The following TMED4 variants were observed in gnomAD, a reference collection of about 807,000 sequenced individuals.
TMED4 encodes transmembrane emp24 domain-containing protein 4.
A neutral mutation model predicts 26.5 loss-of-function variants in TMED4; 19 were observed. The ratio of observed to expected loss-of-function variants is 0.72; its 90% CI spans 0.50 to 1.05. The LOEUF is 1.05. Among genes scored for constraint, TMED4 ranks in the 50% least tolerant of loss-of-function variants. The pLI is 0.00. For synonymous variants in TMED4, 121 were observed against 119.8 expected (o/e 1.01, Z -0.07); for missense variants, 303 against 302.5 (o/e 1.00, Z -0.01).
chr7:44,581,263 G>A, intron 3 of TMED4, 24 bp from the exon 4 acceptor site: 2 of 1,613,130 alleles, frequency 1.2e-6, no homozygotes, highest in Non-Finnish European at 1.7e-6. Flanking sequence ...TGGAATGTAT[G>A]AGTGGTGGGG....
chr7:44,582,154 A>T lies in TMED4; in HGVS notation c.53T>A (p.Leu18Gln), dbSNP rs1227727883. The change falls in exon 1 of 5, where the codon CTG (leucine) becomes CAG (glutamine). Residue 18 changes from leucine to glutamine, a missense_variant. By Grantham distance (113) the Leu-to-Gln change is moderately radical (BLOSUM62 -2). Transcript: ENST00000457408. The part of the protein sequence containing the change: ...PLRAMGRQAL[L>Q]LLALCATGAQ... ...GCCTGTGGCGCACAGCGCGAGAAGC[A>T]GCAGGGCCTGCCGCCCCATCGCCCG... 6.5e-7 allele frequency: 1 copy of T among 1,549,794 alleles called. No homozygotes were observed. Among genetic ancestry groups the T allele is most frequent in the Non-Finnish European group, 8.7e-7 (1 of 1,146,642 alleles).
In TMED4 at chr7:44,581,360, T is replaced by A; in HGVS notation, c.387+89A>T. 2.5e-6 allele frequency: 4 copies of A among 1,605,944 alleles called. No homozygotes were observed. The South Asian group carries it at 4.4e-5, about 18-fold the overall frequency. ...CAACATCTGTCTCCCCAATTCTGAC[T>A]GTGCTACAAAGTTTCACAATCTTGA... On this transcript the variant is annotated intron_variant, in intron 3 of 4. Transcript: ENST00000457408.
intron 4 of TMED4, 104 bp from the exon 5 acceptor site, chr7:44,579,732 G>A: frequency 7.8e-7 from 1 of 1,274,652 alleles, no homozygotes; most frequent in South Asian, 1.4e-5. Context: ...AACTCCTTTT[G>A]GAATACTATC....
intron 1 of TMED4, 97 bp downstream of exon 1, chr7:44,581,950 C>T: frequency 6.5e-7 from 1 of 1,534,148 alleles, no homozygotes; most frequent in Non-Finnish European, 8.8e-7. Context: ...AGGCTAGGTA[C>T]TGGGGGAGCC....
Position 44,578,861 on chromosome 7 carries a change from C to CAAAAAAAAAAAAAAAAAAAAAAAA in TMED4, c.*594_*617dup. ...CAGCCTGGGCGACAAGAGCAAAACT[C>CAAAAAAAAAAAAAAAAAAAAAAAA]AAAAAAAAAAAAAAAAAAAAAAAAG... On this transcript the variant is annotated 3_prime_UTR_variant, in exon 5 of 5. Transcript: ENST00000457408. 1.3e-5 allele frequency: 1 copy of CAAAAAAAAAAAAAAAAAAAAAAAA among 77,532 alleles called. No individual in the cohort carries two copies. The highest frequency in any genetic ancestry group is 2.4e-5 in the Non-Finnish European group (1 of 41,350). The allele number at this position is 77,532 out of a possible 1,614,324, so 4.8% of individuals were successfully genotyped here. A position where few individuals can be genotyped will look rare whatever the true frequency, so the allele number is the denominator to read the frequency against.
rs1562591460 is a variant in TMED4 at position 44,581,784 on chromosome 7, A to T, written c.200T>A (p.Val67Asp). Residue 67 changes from valine to aspartate, a missense_variant, in exon 2 of 5, where the codon GTC (valine) becomes GAC (aspartate). Transcript: ENST00000457408. The stretch of plus-strand genomic sequence containing the variant: ...CAGGCCAGGGGTCGAGGGCAGGAAG[A>T]CCTCCTTCTGCTTATCCCACATCTG... Reference protein sequence around the residue: ...RTQMWDKQKEVFLPSTPGLGM... With the variant: ...RTQMWDKQKEDFLPSTPGLGM... The T allele has an allele frequency of 6.2e-7, 1 of 1,614,052 alleles. No homozygotes were observed. Among genetic ancestry groups the T allele is most frequent in the Non-Finnish European group, 8.5e-7 (1 of 1,180,012 alleles).
intron 4 of TMED4, 163 bp downstream of exon 4, chr7:44,580,930 A>G: frequency 2.6e-6 from 2 of 764,812 alleles, no homozygotes; most frequent in Non-Finnish European, 4.1e-6. Flanking sequence ...CATGGGCAAC[A>G]AGAGTGAAAC....
rs757900557 is a variant in TMED4, at chr7:44,581,731, C to T, written c.253G>A (p.Asp85Asn). ...GCCAACGCCAGCCTTACCTTGCCGTCGGGGTCCTTCACTTCCACGTGCATG... is the reference window on the plus strand; with the variant it reads ...GCCAACGCCAGCCTTACCTTGCCGTTGGGGTCCTTCACTTCCACGTGCATG... ...LGMHVEVKDP[D>N]GKVVLSRQYG... Residue 85 changes from aspartate to asparagine, a missense_variant, in exon 2 of 5, where the codon GAC becomes AAC. Physicochemically the swap from Asp to Asn is conservative, Grantham distance 23. Transcript: ENST00000457408. 5.0e-6 allele frequency: 8 copies of T among 1,614,098 alleles called. No homozygotes were observed. In the African/African-American group the frequency reaches 1.1e-4, roughly 22 times the overall value.
Position 44,581,837 on chromosome 7 carries a change from A to G in TMED4, c.161-14T>C, listed in dbSNP as rs1431026592. The G allele has an allele frequency of 1.2e-6, 2 of 1,613,416 alleles. No homozygotes were observed. The highest frequency in any genetic ancestry group is 1.7e-6 in the Non-Finnish European group (2 of 1,179,606). Reference sequence around the variant, plus strand: ...TACGATAGTTGCCTGCGGGGCAGACACATAGTCACGACCGGCCCTAGTGGG... The same window carrying G: ...TACGATAGTTGCCTGCGGGGCAGACGCATAGTCACGACCGGCCCTAGTGGG... On this transcript the variant is annotated splice_polypyrimidine_tract_variant and intron_variant, in intron 1 of 4. Transcript: ENST00000457408.
Position 44,582,161 on chromosome 7 carries a change from C to T in TMED4, c.46G>A (p.Ala16Thr). ...AGPLRAMGRQALLLLALCATG... is the reference protein window; with the variant it reads ...AGPLRAMGRQTLLLLALCATG... ...GCGCACAGCGCGAGAAGCAGCAGGG[C>T]CTGCCGCCCCATCGCCCGCAGAGGC... Residue 16 changes from alanine (A) to threonine (T), a missense_variant, in exon 1 of 5, where the codon GCC becomes ACC. By Grantham distance (58) the Ala-to-Thr change is moderately conservative (BLOSUM62 0). Transcript: ENST00000457408. The T allele has an allele frequency of 6.5e-7, 1 of 1,549,154 alleles. No homozygotes were observed. Among genetic ancestry groups the T allele is most frequent in the South Asian group, 1.2e-5 (1 of 84,114 alleles).
In TMED4 at chr7:44,578,568, C is replaced by T. The variant is rs1218645315; in HGVS notation, c.*911G>A. 6.6e-6 allele frequency: 1 copy of T among 152,146 alleles called. No individual in the cohort carries two copies. The highest frequency in any genetic ancestry group is 1.5e-5 in the Non-Finnish European group (1 of 68,060). 9.4% of individuals were successfully genotyped at this position (152,146 alleles called of 1,614,324 possible). A position where few individuals can be genotyped will look rare whatever the true frequency, so the allele number is the denominator to read the frequency against. On this transcript the variant is annotated 3_prime_UTR_variant, in exon 5 of 5. Coordinates refer to ENST00000457408, the MANE Select transcript of TMED4 (RefSeq NM_182547.4). ...TGCCTGCTTTCTGGCCCACAGACCGCTGAAATCCTAGGAGCTGCCATGGGA... is the reference window on the plus strand; with the variant it reads ...TGCCTGCTTTCTGGCCCACAGACCGTTGAAATCCTAGGAGCTGCCATGGGA...
In TMED4 at chr7:44,581,594, A is replaced by G. The variant is rs1802998728; in HGVS notation, c.262-20T>C. On this transcript the variant is annotated intron_variant, in intron 2 of 4. Transcript: ENST00000457408. ...CACCACCTGCAACATATGTGAGTGA[A>G]GGCCCCACCTTTATACCGCAGGCTC... 6.2e-7 allele frequency: 1 copy of G among 1,614,030 alleles called. No individual in the cohort carries two copies. The highest frequency in any genetic ancestry group is 8.5e-7 in the Non-Finnish European group (1 of 1,180,026).
chr7:44,581,950 C>G (rs1803015788), intron 1 of TMED4, 97 bp downstream of exon 1: 1 of 1,534,148 alleles, frequency 6.5e-7, no homozygotes, highest in Non-Finnish European at 8.8e-7. Flanking sequence ...AGGCTAGGTA[C>G]TGGGGGAGCC....
chr7:44,581,341 C>G, intron 3 of TMED4, 102 bp from the exon 4 acceptor site: 4 of 1,599,666 alleles, frequency 2.5e-6, no homozygotes, highest in Non-Finnish European at 3.4e-6. Flanking sequence ...AAGGCAACAT[C>G]TGTCTCCCCA....
Position 44,578,861 on chromosome 7 carries a change from C to CAAAAAAA in TMED4, c.*611_*617dup, listed in dbSNP as rs138565143. 21 of 77,476 alleles carry CAAAAAAA rather than the reference C, an allele frequency of 2.7e-4. No homozygotes were observed. The highest frequency in any genetic ancestry group is 5.3e-4 in the South Asian group (1 of 1,892). 4.8% of individuals were successfully genotyped at this position (77,476 alleles called of 1,614,324 possible). On this transcript the variant is annotated 3_prime_UTR_variant, in exon 5 of 5. Transcript: ENST00000457408. ...CAGCCTGGGCGACAAGAGCAAAACT[C>CAAAAAAA]AAAAAAAAAAAAAAAAAAAAAAAAG...
In TMED4 at chr7:44,579,355, G is replaced by T; in HGVS notation, c.*124C>A. ...AAGTGGCTGATCTGAATGGTTTGTG[G>T]CCATGGAACCAATGTGACTTATTCT... On this transcript the variant is annotated 3_prime_UTR_variant, in exon 5 of 5. Transcript: ENST00000457408. 9.4e-7 allele frequency: 1 copy of T among 1,059,752 alleles called. No individual in the cohort carries two copies. Among genetic ancestry groups the T allele is most frequent in the East Asian group, 2.5e-5 (1 of 39,698 alleles). 65.6% of individuals were successfully genotyped at this position (1,059,752 alleles called of 1,614,324 possible).
rs1353191603 is a variant in TMED4 at position 44,579,532 on chromosome 7, T to C, written c.631A>G (p.Ile211Val). ...AQTVILILTG[I>V]WQMRHLKSFF... The stretch of plus-strand genomic sequence containing the variant: ...CTCTTGAGGTGACGCATCTGCCAGA[T>C]GCCAGTGAGGATGAGGATGACAGTC... Residue 211 changes from isoleucine (I) to valine (V), a missense_variant, in exon 5 of 5, where the codon ATC becomes GTC. Transcript: ENST00000457408. The C allele has an allele frequency of 6.2e-7, 1 of 1,614,172 alleles. No homozygotes were observed. The highest frequency in any genetic ancestry group is 8.5e-7 in the Non-Finnish European group (1 of 1,180,028).
chr7:44,579,369 G>T lies in TMED4; in HGVS notation c.*110C>A. ...AATGGTTTGTGGCCATGGAACCAAT[G>T]TGACTTATTCTTTTTCATTTTTTTC... On this transcript the variant is annotated 3_prime_UTR_variant, in exon 5 of 5. Transcript: ENST00000457408. The T allele has an allele frequency of 7.9e-7, 1 of 1,269,276 alleles. No homozygotes were observed. The highest frequency in any genetic ancestry group is 1.1e-6 in the Non-Finnish European group (1 of 920,742). 78.6% of individuals were successfully genotyped at this position (1,269,276 alleles called of 1,614,324 possible).
chr7:44,578,311 A>C lies in TMED4; in HGVS notation c.*1168T>G, dbSNP rs1217999299. On this transcript the variant is annotated 3_prime_UTR_variant, in exon 5 of 5. Coordinates refer to ENST00000457408, the MANE Select transcript of TMED4 (RefSeq NM_182547.4). ...CTCTTATTTCATCTCAAACACAGCT[A>C]TTACAACATGTTTTATTTCACTGGA... 1 of 152,192 alleles carries C rather than the reference A, an allele frequency of 6.6e-6. No individual in the cohort carries two copies. Among genetic ancestry groups the C allele is most frequent in the South Asian group, 2.1e-4 (1 of 4,836 alleles). 9.4% of individuals were successfully genotyped at this position (152,192 alleles called of 1,614,324 possible).
Sources: gnomAD v4.1 joint callset for allele counts on GRCh38, gnomAD v4.1.1 for gene constraint, MANE v1.5 for transcripts, NCBI Gene and HGNC (gene_info 2026-07-23, HGNC 2026-07-21) for gene names.